FKBP1B: variants seen among roughly 807,000 people sequenced by gnomAD.
FKBP1B encodes peptidyl-prolyl cis-trans isomerase FKBP1B.
In FKBP1B, 4 loss-of-function variants were observed where a neutral mutation model predicts 13.5. The observed-to-expected ratio is 0.30, with a 90% CI of 0.15 to 0.68. The LOEUF (loss-of-function observed/expected upper bound fraction) is 0.68. FKBP1B is among the 30% of genes least tolerant of loss of function. The pLI is 0.76. For synonymous variants in FKBP1B, 54 were observed against 53.6 expected (o/e 1.01, Z -0.03); for missense variants, 93 against 136.2 (o/e 0.68, Z 1.58).
chr2:24,054,141 C>A, intron 2 of FKBP1B, 192 bp downstream of exon 2: 1 of 717,328 alleles, frequency 1.4e-6, no homozygotes, highest in Non-Finnish European at 2.6e-6. Context: ...CTTGGAAGGC[C>A]AACTCTTTCC....
At chr2:24,034,851 A>G in the FKBP1B span, among the ~76,000 whole-genome samples, 1 of 152,166 alleles carries the variant, frequency 6.6e-6, no homozygotes, top group Non-Finnish European at 1.5e-5. Flanking sequence ...CTGGGGTTAC[A>G]GGTTTAAGCC....
At chr2:24,048,718 T>G (rs1663714871), upstream of FKBP1B, among the ~76,000 whole-genome samples, 1 of 152,084 alleles carries the variant, frequency 6.6e-6, no homozygotes, top group Non-Finnish European at 1.5e-5. Context: ...AAATATTACC[T>G]CCTCCAAAAA....
chr2:24,037,748 G>A, the FKBP1B span: 1 of 1,614,150 alleles, frequency 6.2e-7, no homozygotes, highest in East Asian at 2.2e-5. Context: ...TTCCCATTAT[G>A]CAGACGGTTT....
At chr2:24,049,523 A>C, upstream of FKBP1B, 1 of 281,852 alleles carries the variant, frequency 3.5e-6, no homozygotes, top group Non-Finnish European at 6.6e-6. Context: ...GCGCGAATGA[A>C]TGGATGGATG....
At chr2:24,037,841 T>C in the FKBP1B span, 4 of 1,614,092 alleles carry the variant, frequency 2.5e-6, no homozygotes, top group Admixed American at 6.7e-5. Context: ...TAAGTTTCCT[T>C]TTCACTTTGT....
Position 24,049,826 on chromosome 2 carries a change from A to T in FKBP1B, c.-24A>T. Reference sequence around the variant, plus strand: ...GGTCGGGCAGCAGCAGGGACCCCCCAGAGGCGGGGCCTGTGGGACCGCTAT... The same window carrying T: ...GGTCGGGCAGCAGCAGGGACCCCCCTGAGGCGGGGCCTGTGGGACCGCTAT... On this transcript the variant is annotated 5_prime_UTR_variant, in exon 1 of 4. Transcript: ENST00000380986. 7.3e-7 allele frequency: 1 copy of T among 1,372,478 alleles called. No homozygotes were observed. Among genetic ancestry groups the T allele is most frequent in the Non-Finnish European group, 9.4e-7 (1 of 1,060,726 alleles). The allele number at this position is 1,372,478 out of a possible 1,614,324, so 85.0% of individuals were successfully genotyped here.
chr2:24,052,323 A>G (rs1468881803), intron 1 of FKBP1B, among the ~76,000 whole-genome samples: 3 of 152,112 alleles, frequency 2.0e-5, no homozygotes, highest in Non-Finnish European at 4.4e-5. Flanking sequence ...GTGGTTTCCT[A>G]TTGCACTTAG....
chr2:24,046,633 T>C (rs1011755660), upstream of FKBP1B, among the ~76,000 whole-genome samples: 1 of 152,142 alleles, frequency 6.6e-6, no homozygotes, highest in Non-Finnish European at 1.5e-5. Flanking sequence ...CAAAAGTACA[T>C]CCCTCCCCCA....
At chr2:24,035,165 T>G in the FKBP1B span, among the ~76,000 whole-genome samples, 1 of 151,742 alleles carries the variant, frequency 6.6e-6, no homozygotes, top group Non-Finnish European at 1.5e-5. Flanking sequence ...ATTTTTTTCC[T>G]CAACAAGTAT....
At chr2:24,049,531 A>C, upstream of FKBP1B, 2 of 291,828 alleles carry the variant, frequency 6.9e-6, no homozygotes, top group Non-Finnish European at 1.3e-5. Context: ...GAATGGATGG[A>C]TGGAGGATGT....
chr2:24,037,586 G>T, the FKBP1B span: 1 of 1,339,246 alleles, frequency 7.5e-7, no homozygotes, highest in Non-Finnish European at 1.0e-6. Flanking sequence ...CTCAGTTAGA[G>T]CACCATCTTC....
chr2:24,055,336 G>T (rs1185706488), intron 2 of FKBP1B, among the ~76,000 whole-genome samples: 1 of 151,722 alleles, frequency 6.6e-6, no homozygotes, highest in Non-Finnish European at 1.5e-5. Flanking sequence ...TCAGTGTCCT[G>T]ACTAGCTGGG....
At position 24,053,865 on chromosome 2, in the gene FKBP1B, A is replaced by G. The variant is rs375983903; in HGVS notation, c.38-37A>G. The G allele has an allele frequency of 7.3e-5, 117 of 1,606,474 alleles. No homozygotes were observed. The African/African-American group carries it at 1.5e-3, about 21-fold the overall frequency. ...TTAATGTCCCAGGTGTTTTTCCAAT[A>G]TCCTACTCCTTCATCTGCCCTCATG... On this transcript the variant is annotated intron_variant, in intron 1 of 3. Coordinates refer to ENST00000380986, the MANE Select transcript of FKBP1B (RefSeq NM_004116.5).
chr2:24,061,180 G>A (rs1314422804), intron 3 of FKBP1B, among the ~76,000 whole-genome samples: 3 of 152,090 alleles, frequency 2.0e-5, no homozygotes, highest in Non-Finnish European at 4.4e-5. Context: ...AACTAGCTGA[G>A]AGAGCCAGGC....
chr2:24,060,569 A>AATAT (rs1405885566), intron 2 of FKBP1B, among the ~76,000 whole-genome samples: 1 of 152,146 alleles, frequency 6.6e-6, no homozygotes, highest in East Asian at 1.9e-4. Context: ...TAAATAAATA[A>AATAT]ATAAAAATAG....
At chr2:24,053,974 A>G (rs1021886183) in intron 2 of FKBP1B, 25 bp downstream of exon 2, 1 of 1,611,072 alleles carries the variant, frequency 6.2e-7, no homozygotes, top group Non-Finnish European at 8.5e-7. Context: ...CTCAGCCCCC[A>G]CCCAGTCCTT....
chr2:24,047,847 G>A (rs1663680851), upstream of FKBP1B, among the ~76,000 whole-genome samples: 1 of 152,200 alleles, frequency 6.6e-6, no homozygotes, highest in African/African-American at 2.4e-5. Context: ...GTTCTACCCC[G>A]ACCCTAAGCG....
upstream of FKBP1B, among the ~76,000 whole-genome samples, chr2:24,048,899 T>C (rs1254371931): frequency 6.6e-6 from 1 of 152,198 alleles, no homozygotes; most frequent in East Asian, 1.9e-4. Context: ...GTCTTAATTC[T>C]ATTGGTATCC....
intron 2 of FKBP1B, among the ~76,000 whole-genome samples, chr2:24,056,459 T>C (rs551298006): frequency 6.6e-6 from 1 of 151,964 alleles, no homozygotes; most frequent in East Asian, 1.9e-4. Flanking sequence ...TTCTTGTGCC[T>C]CAACCTCCCA....
Sources: gnomAD v4.1 joint callset for allele counts (sites outside exome capture counted in the v4.1 genomes callset) on GRCh38, gnomAD v4.1.1 for gene constraint, MANE v1.5 for transcripts, NCBI Gene and HGNC (gene_info 2026-07-23, HGNC 2026-07-21) for gene names.